Variants in LUZP2 observed in about 807,000 individuals in gnomAD.
LUZP2 encodes the protein leucine zipper protein 2.
LUZP2 carries 52 observed loss-of-function variants against 51.6 expected under a neutral mutation model. That is an observed-to-expected ratio of 1.01 (90% CI 0.81 to 1.27). LUZP2 has a LOEUF of 1.27. Among genes scored for constraint, LUZP2 ranks in the 50% most tolerant of loss-of-function variants. The pLI is 0.00. For missense variants in LUZP2, 436 were observed against 395.4 expected (o/e 1.10, Z -0.87); for synonymous variants, 154 against 137.3 (o/e 1.12, Z -0.85).
intron 7 of LUZP2, among the ~76,000 whole-genome samples, chr11:24,964,431 A>C (rs1554946930): frequency 6.6e-6 from 1 of 152,202 alleles, no homozygotes; most frequent in Non-Finnish European, 1.5e-5. Context: ...CTTTATACCC[A>C]GCCCAACATT....
intron 5 of LUZP2, among the ~76,000 whole-genome samples, chr11:24,802,230 A>G (rs1188283040): frequency 6.6e-6 from 1 of 152,064 alleles, no homozygotes; most frequent in Non-Finnish European, 1.5e-5. Context: ...TGATCCAGCC[A>G]TATGGTTAGC....
At chr11:24,548,992 C>G (rs768392956) in intron 1 of LUZP2, among the ~76,000 whole-genome samples, 3 of 151,800 alleles carry the variant, frequency 2.0e-5, no homozygotes, top group African/African-American at 7.3e-5. Context: ...TGTATACTTA[C>G]CCTATGTTAA....
intron 9 of LUZP2, among the ~76,000 whole-genome samples, chr11:25,046,504 T>TA (rs998040560): frequency 5.9e-5 from 9 of 151,916 alleles, no homozygotes; most frequent in African/African-American, 1.7e-4. Flanking sequence ...CTCTTAATCC[T>TA]AAAAAAATCA....
At chr11:24,541,923 C>T (rs928598507) in intron 1 of LUZP2, among the ~76,000 whole-genome samples, 6 of 151,874 alleles carry the variant, frequency 4.0e-5, no homozygotes, top group Non-Finnish European at 8.8e-5. Flanking sequence ...AAAAAAACAC[C>T]TGTTAGTTTG....
chr11:24,859,246 T>A (rs1211969942), intron 5 of LUZP2, among the ~76,000 whole-genome samples: 3 of 152,184 alleles, frequency 2.0e-5, no homozygotes, highest in Non-Finnish European at 4.4e-5. Flanking sequence ...ATAAGTTCAT[T>A]AAGCATAAAA....
chr11:24,578,199 G>A (rs183034191), intron 1 of LUZP2, among the ~76,000 whole-genome samples: 1 of 151,840 alleles, frequency 6.6e-6, no homozygotes, highest in Non-Finnish European at 1.5e-5. Context: ...ATTTCTTGAG[G>A]AGTAAGAAAC....
At chr11:24,827,150 AT>A (rs967554650) in intron 5 of LUZP2, among the ~76,000 whole-genome samples, 2 of 152,208 alleles carry the variant, frequency 1.3e-5, no homozygotes, top group African/African-American at 4.8e-5. Flanking sequence ...CCAATTTTAA[AT>A]CTATGCAGTA....
At chr11:24,569,104 T>C (rs957443421) in intron 1 of LUZP2, among the ~76,000 whole-genome samples, 9 of 151,994 alleles carry the variant, frequency 5.9e-5, no homozygotes, top group African/African-American at 2.2e-4. Context: ...CAGTTAAATG[T>C]CATATTAAAA....
At chr11:24,597,840 G>A (rs554743873) in intron 1 of LUZP2, among the ~76,000 whole-genome samples, 1 of 152,228 alleles carries the variant, frequency 6.6e-6, no homozygotes, top group Admixed American at 6.5e-5. Context: ...TGGCTTATAT[G>A]CCTGTAATCC....
intron 7 of LUZP2, among the ~76,000 whole-genome samples, chr11:24,947,380 G>T (rs1590761214): frequency 6.6e-6 from 1 of 151,958 alleles, no homozygotes; most frequent in Middle Eastern, 3.4e-3. Flanking sequence ...AGAGGAGGAA[G>T]AGGTAGAAAG....
intron 1 of LUZP2, among the ~76,000 whole-genome samples, chr11:24,683,451 C>T (rs1008683235): frequency 6.6e-6 from 1 of 152,128 alleles, no homozygotes; most frequent in Admixed American, 6.6e-5. Context: ...CATCTAATTT[C>T]ACTTTATATT....
intron 11 of LUZP2, among the ~76,000 whole-genome samples, chr11:25,077,686 CG>C (rs1301743475): frequency 6.6e-6 from 1 of 151,406 alleles, no homozygotes; most frequent in East Asian, 1.9e-4. Flanking sequence ...TTAGTAGAGA[CG>C]GGGTTTCACT....
At chr11:24,834,846 A>G (rs1236985174) in intron 5 of LUZP2, among the ~76,000 whole-genome samples, 3 of 152,186 alleles carry the variant, frequency 2.0e-5, no homozygotes, top group African/African-American at 4.8e-5. Context: ...ATGACCAGTG[A>G]CGATGAACTT....
At chr11:24,696,831 G>C (rs1217684715) in intron 1 of LUZP2, among the ~76,000 whole-genome samples, 4 of 151,794 alleles carry the variant, frequency 2.6e-5, no homozygotes, top group African/African-American at 9.7e-5. Flanking sequence ...CATGAGATTG[G>C]GTAAGTTGTA....
At chr11:24,724,570 C>CA (rs1297329750) in intron 1 of LUZP2, among the ~76,000 whole-genome samples, 2 of 151,984 alleles carry the variant, frequency 1.3e-5, no homozygotes, top group East Asian at 1.9e-4. Flanking sequence ...GACCCTGTCT[C>CA]AAAAAATCAA....
intron 5 of LUZP2, among the ~76,000 whole-genome samples, chr11:24,824,394 T>G (rs1362221707): frequency 7.6e-4 from 17 of 22,500 alleles, no homozygotes; most frequent in East Asian, 3.0e-3. Context: ...AAAAAAAAAA[T>G]GAGTGGTACC....
chr11:25,041,754 G>T (rs929765841), intron 9 of LUZP2, among the ~76,000 whole-genome samples: 6 of 152,066 alleles, frequency 3.9e-5, no homozygotes, highest in African/African-American at 1.4e-4. Context: ...TTCAGCGCAG[G>T]GGTCCCCAGC....
chr11:24,843,844 A>G (rs912956897), intron 5 of LUZP2, among the ~76,000 whole-genome samples: 2 of 152,160 alleles, frequency 1.3e-5, no homozygotes, highest in Non-Finnish European at 2.9e-5. Flanking sequence ...TTCTCTGTAC[A>G]AGCTGTCTCT....
chr11:24,526,265 C>CAAAAAAAAAAAAAAA (rs71041769), intron 1 of LUZP2, among the ~76,000 whole-genome samples: 1 of 141,240 alleles, frequency 7.1e-6, no homozygotes, highest in Admixed American at 7.1e-5. Context: ...CACTAGGGGG[C>CAAAAAAAAAAAAAAA]AAAAAAAAAA....
Sources: allele counts gnomAD v4.1 joint callset (sites outside exome capture counted in the v4.1 genomes callset), GRCh38; gene constraint gnomAD v4.1.1; transcripts MANE v1.5; gene names NCBI Gene and HGNC (gene_info 2026-07-23, HGNC 2026-07-21).